Variants in ZFHX3 observed in about 807,000 individuals in gnomAD.
The protein encoded by ZFHX3 is zinc finger homeobox 3.
A neutral mutation model predicts 279.1 loss-of-function variants in ZFHX3; 42 were observed. That is an observed-to-expected ratio of 0.15 (90% CI 0.12 to 0.19). The LOEUF (loss-of-function observed/expected upper bound fraction) is 0.19. Among genes scored for constraint, ZFHX3 ranks in the 10% least tolerant of loss-of-function variants. The pLI is 1.00. For missense variants in ZFHX3, 4,981 were observed against 4,754.0 expected (o/e 1.05, Z -1.40); for synonymous variants, 2,293 against 1,957.8 (o/e 1.17, Z -4.52).
intron 1 of ZFHX3, among the ~76,000 whole-genome samples, chr16:73,871,708 A>G (rs1462027624): frequency 6.6e-6 from 1 of 152,162 alleles, no homozygotes; most frequent in Non-Finnish European, 1.5e-5. Flanking sequence ...AACAAAGCTT[A>G]TGGCAGTCTC....
chr16:73,185,421 C>G (rs117158218), intron 5 of ZFHX3, among the ~76,000 whole-genome samples: 1 of 152,110 alleles, frequency 6.6e-6, no homozygotes, highest in Non-Finnish European at 1.5e-5. Flanking sequence ...GAGCAAAGGG[C>G]GGAACCCAAG....
chr16:73,266,837 G>A (rs139833031), intron 4 of ZFHX3, among the ~76,000 whole-genome samples: 522 of 152,304 alleles, frequency 3.4e-3, no homozygotes, highest in Non-Finnish European at 5.7e-3. Flanking sequence ...TTCGCCTTCC[G>A]CCATGATTGT....
At chr16:73,709,346 CAGAGAGAGAG>C (rs59857152) in intron 1 of ZFHX3, among the ~76,000 whole-genome samples, 9 of 145,272 alleles carry the variant, frequency 6.2e-5, no homozygotes, top group African/African-American at 1.5e-4. Flanking sequence ...GGCTGTGTGA[CAGAGAGAGAG>C]AGAGAGAGAG....
At chr16:73,356,298 T>G (rs2016339737) in intron 3 of ZFHX3, among the ~76,000 whole-genome samples, 1 of 150,564 alleles carries the variant, frequency 6.6e-6, no homozygotes, top group Non-Finnish European at 1.5e-5. Flanking sequence ...GGCATGCACT[T>G]TGTAACACCC....
intron 2 of ZFHX3, among the ~76,000 whole-genome samples, chr16:73,503,176 G>A (rs1038714171): frequency 1.3e-5 from 2 of 152,210 alleles, no homozygotes; most frequent in Non-Finnish European, 2.9e-5. Flanking sequence ...CATCTCCGAG[G>A]TGTTTGTAGC....
chr16:72,829,957 C>T (rs924626895), intron 4 of ZFHX3, 98 bp from the exon 5 acceptor site: 2 of 1,229,166 alleles, frequency 1.6e-6, no homozygotes, highest in Non-Finnish European at 1.2e-6. Flanking sequence ...AGAACAGACA[C>T]CAATGACTCG....
chr16:73,604,265 T>C (rs971343465), intron 2 of ZFHX3, among the ~76,000 whole-genome samples: 1 of 152,286 alleles, frequency 6.6e-6, no homozygotes. Flanking sequence ...CCCCCATTTT[T>C]TCCCCCTAGT....
At chr16:73,013,968 G>A (rs1047706695) in intron 1 of ZFHX3, among the ~76,000 whole-genome samples, 19 of 152,274 alleles carry the variant, frequency 1.2e-4, no homozygotes, top group Admixed American at 8.5e-4. Context: ...TTGCAGATGC[G>A]ATCAAGTGAA....
chr16:72,936,123 G>C (rs1218373472), intron 3 of ZFHX3, among the ~76,000 whole-genome samples: 1 of 152,240 alleles, frequency 6.6e-6, no homozygotes, highest in South Asian at 2.1e-4. Context: ...GTGTGAAGCT[G>C]ATGGTAAATG....
intron 5 of ZFHX3, among the ~76,000 whole-genome samples, chr16:73,228,758 T>C (rs1453762905): frequency 6.6e-6 from 1 of 152,166 alleles, no homozygotes. Flanking sequence ...GAAGTCAGCC[T>C]TGGTTAGCAT....
chr16:73,500,767 T>C (rs930348768), intron 2 of ZFHX3, among the ~76,000 whole-genome samples: 3 of 143,500 alleles, frequency 2.1e-5, no homozygotes, highest in Non-Finnish European at 4.5e-5. Flanking sequence ...ACAATGTGTG[T>C]TTTAAGCTGT....
intron 1 of ZFHX3, among the ~76,000 whole-genome samples, chr16:73,835,779 CT>C (rs1160158673): frequency 6.6e-6 from 1 of 152,050 alleles, no homozygotes; most frequent in East Asian, 1.9e-4. Flanking sequence ...CCTCCACTTT[CT>C]TTTTCCCCAC....
chr16:73,771,720 G>C (rs1204091737), intron 1 of ZFHX3, among the ~76,000 whole-genome samples: 1 of 151,716 alleles, frequency 6.6e-6, no homozygotes, highest in Non-Finnish European at 1.5e-5. Flanking sequence ...CTTCCCTAGA[G>C]AACTCTGCTC....
At position 73,135,412 on chromosome 16, in the gene ZFHX3, C is replaced by G. The variant is rs139002185; in HGVS notation, c.-1023-4318G>C. Among the ~76,000 whole-genome samples the G allele has an allele frequency of 4.9e-3, 752 of 152,286 alleles. 9 individuals carry two copies. The highest frequency in any genetic ancestry group is 0.017 in the African/African-American group (712 of 41,558). On this transcript the variant is annotated intron_variant, in intron 6 of 17. Coordinates refer to the ZFHX3 transcript ENST00000641206. ...ATGGGAGAGAAAAAGGATTTATTTT[C>G]TTTCGTGGATGGGAATTAGTACAAA...
chr16:73,891,607 G>A (rs1380622442), intron 1 of ZFHX3: 1 of 152,160 alleles, frequency 6.6e-6, no homozygotes, highest in Non-Finnish European at 1.5e-5. Context: ...AGAGACAGAA[G>A]GAAGAAAAGA....
chr16:73,494,460 C>G (rs1313835715), intron 2 of ZFHX3, among the ~76,000 whole-genome samples: 1 of 152,138 alleles, frequency 6.6e-6, no homozygotes, highest in Non-Finnish European at 1.5e-5. Context: ...TTCTTCCTCC[C>G]CATTGGCCTT....
At chr16:73,804,018 G>T (rs1032121692) in intron 1 of ZFHX3, among the ~76,000 whole-genome samples, 1 of 152,118 alleles carries the variant, frequency 6.6e-6, no homozygotes, top group Non-Finnish European at 1.5e-5. Flanking sequence ...TTAACTGGGA[G>T]TGGTGGCACA....
chr16:73,566,054 C>T (rs1211871768), intron 2 of ZFHX3, among the ~76,000 whole-genome samples: 1 of 152,230 alleles, frequency 6.6e-6, no homozygotes, highest in Non-Finnish European at 1.5e-5. Context: ...TCATGCAGAG[C>T]TGTGGCAATG....
chr16:73,652,120 T>A (rs1279984095), intron 2 of ZFHX3, among the ~76,000 whole-genome samples: 1 of 151,992 alleles, frequency 6.6e-6, no homozygotes, highest in Admixed American at 6.5e-5. Context: ...GATGTATTAC[T>A]TATGTAATTG....
Sources: gnomAD v4.1 joint callset for allele counts (sites outside exome capture counted in the v4.1 genomes callset) on GRCh38, gnomAD v4.1.1 for gene constraint, MANE v1.5 for transcripts, NCBI Gene and HGNC (gene_info 2026-07-23, HGNC 2026-07-21) for gene names.